The following TSC2 variants were observed in gnomAD, a reference collection of about 807,000 sequenced individuals.
The protein encoded by TSC2 is TSC complex subunit 2.
In TSC2, 29 loss-of-function variants were observed where a neutral mutation model predicts 202.2. That is an observed-to-expected ratio of 0.14 (90% CI 0.11 to 0.20). The LOEUF (loss-of-function observed/expected upper bound fraction) is 0.20, where lower values mean the gene tolerates loss of function less well. Among genes scored for constraint, TSC2 ranks in the 10% least tolerant of loss-of-function variants. The pLI, the probability that TSC2 is intolerant of heterozygous loss-of-function variation, is 1.00. For synonymous variants in TSC2, 1,349 were observed against 1,044.0 expected (o/e 1.29, Z -5.63); for missense variants, 2,429 against 2,420.0 (o/e 1.00, Z -0.08).
rs563555772 is a variant in TSC2, at chr16:2,062,148, G to A, written c.1257+140G>A. 2.3e-6 allele frequency: 3 copies of A among 1,281,438 alleles called. No individual in the cohort carries two copies. The South Asian group carries it at 3.9e-5, about 17-fold the overall frequency. The allele number at this position is 1,281,438 out of a possible 1,614,324, so 79.4% of individuals were successfully genotyped here. A position where few individuals can be genotyped will look rare whatever the true frequency, so the allele number is the denominator to read the frequency against. Reference sequence around the variant, plus strand: ...TTTCCAGGTTTCTGCACTCGGCAGGGAAGGCTGGCAGGCACAGCACGTGTT... The same window carrying A: ...TTTCCAGGTTTCTGCACTCGGCAGGAAAGGCTGGCAGGCACAGCACGTGTT... On this transcript the variant is annotated intron_variant, in intron 12 of 41. Coordinates refer to ENST00000219476, the MANE Select transcript of TSC2 (RefSeq NM_000548.5).
rs573335633 is a variant in TSC2, at chr16:2,056,025, G to A, written c.600-171G>A. 6.3e-5 allele frequency: 47 copies of A among 742,964 alleles called. 1 individual carries two copies. The highest frequency in any genetic ancestry group is 3.1e-4 in the South Asian group (21 of 67,452). The allele number at this position is 742,964 out of a possible 1,614,324, so 46.0% of individuals were successfully genotyped here. A position where few individuals can be genotyped will look rare whatever the true frequency, so the allele number is the denominator to read the frequency against. ...TCACTCATGCTGAACACCCAGCACC[G>A]AGAGCAGTGGCTGGCGCACAGCAGG... On this transcript the variant is annotated intron_variant, in intron 6 of 41. Transcript: ENST00000219476.
intron 26 of TSC2, chr16:2,078,779 AT>A (rs2089743876): frequency 1.8e-6 from 1 of 557,500 alleles, no homozygotes; most frequent in Non-Finnish European, 3.2e-6. Context: ...GGTGAGGGGG[AT>A]GTCGGTCTCT....
rs548573476 is a variant in TSC2, at chr16:2,083,478, C to G, written c.3884-217C>G. On this transcript the variant is annotated intron_variant, in intron 32 of 41. Coordinates refer to ENST00000219476, the MANE Select transcript of TSC2 (RefSeq NM_000548.5). ...CAGAGCCGATTGCCTGCCCAACCCC[C>G]GGGCACTCATGCAGGAGAGGCCTGT... is the stretch of plus-strand genomic sequence containing the variant. 6 of 767,278 alleles carry G rather than the reference C, an allele frequency of 7.8e-6. No individual in the cohort carries two copies. The Admixed American group carries it at 1.1e-4, about 14-fold the overall frequency. The allele number at this position is 767,278 out of a possible 1,614,324, so 47.5% of individuals were successfully genotyped here.
At chr16:2,072,695 G>A (rs572437829) in intron 20 of TSC2, 154 bp from the exon 21 acceptor site, 111 of 1,298,964 alleles carry the variant, frequency 8.5e-5, no homozygotes, top group Non-Finnish European at 1.1e-4. Flanking sequence ...CCACCACTCC[G>A]AAAGGGAGGC....
At chr16:2,078,778 G>A (rs1419456009) in intron 26 of TSC2, 2 of 560,160 alleles carry the variant, frequency 3.6e-6, no homozygotes, top group South Asian at 2.0e-5. Flanking sequence ...CGGTGAGGGG[G>A]ATGTCGGTCT....
rs916426671 is a variant in TSC2 at position 2,079,760 on chromosome 16, G to A, written c.3397+91G>A. 9 of 1,357,018 alleles carry A rather than the reference G, an allele frequency of 6.6e-6. No homozygotes were observed. Among genetic ancestry groups the A allele is most frequent in the Admixed American group, 4.4e-5 (2 of 45,022 alleles). 84.1% of individuals were successfully genotyped at this position (1,357,018 alleles called of 1,614,324 possible). ...TGTTCAGGAAGGCCCCGAGCCCAGGGGCCGGGGTGGCTGGCTTCAGGCCCG... is the reference window on the plus strand; with the variant it reads ...TGTTCAGGAAGGCCCCGAGCCCAGGAGCCGGGGTGGCTGGCTTCAGGCCCG... On this transcript the variant is annotated intron_variant, in intron 29 of 41. Transcript: ENST00000219476. The surrounding 1 kb of genome is among the most constrained non-coding windows in gnomAD (Gnocchi z 4.6).
In TSC2 at chr16:2,079,619, C is replaced by T. The variant is rs878854092; in HGVS notation, c.3347C>T (p.Ala1116Val). ...KEAPAKLESQ[A>V]GQQVSRGARD... is the part of the protein sequence containing the mutation. The stretch of plus-strand genomic sequence containing the variant: ...GCGCCGGCCAAGCTGGAGTCCCAGG[C>T]TGGGCAGCAGGTGTCCCGTGGGGCC... Residue 1116 changes from alanine to valine, a missense_variant, in exon 29 of 42, where the codon GCT (alanine) becomes GTT (valine). Transcript: ENST00000219476. The surrounding 1 kb of genome is among the most constrained non-coding windows in gnomAD (Gnocchi z 4.6). 6.2e-7 allele frequency: 1 copy of T among 1,610,900 alleles called. No homozygotes were observed.
At chr16:2,073,087 C>T (rs1352326836) in intron 21 of TSC2, 104 bp downstream of exon 21, 2 of 1,555,390 alleles carry the variant, frequency 1.3e-6, no homozygotes, top group African/African-American at 1.4e-5. Flanking sequence ...TCTGCCAGGC[C>T]AGGGATGAGT....
At chr16:2,087,963 C>A (rs760054916) in intron 39 of TSC2, 22 bp downstream of exon 39, 2 of 1,612,464 alleles carry the variant, frequency 1.2e-6, no homozygotes, top group African/African-American at 2.7e-5. Context: ...TGGGGCCCTG[C>A]AGTGCAGGAA....
At chr16:2,064,451 C>T (rs746869654) in intron 15 of TSC2, 24 bp downstream of exon 15, 27 of 1,612,108 alleles carry the variant, frequency 1.7e-5, no homozygotes, top group South Asian at 1.2e-4. Context: ...TACCCGGGGC[C>T]GGGTGCTAGC....
Position 2,086,268 on chromosome 16 carries a change from C to G in TSC2, c.4738C>G (p.Arg1580Gly). ...RYTEFLTGLGRLIELKDCQPD... is the reference protein window; with the variant it reads ...RYTEFLTGLGGLIELKDCQPD... Reference sequence around the variant, plus strand: ...CACGGAGTTCCTGACGGGCCTGGGCCGGCTCATCGAGCTGAAGGACTGCCA... The same window carrying G: ...CACGGAGTTCCTGACGGGCCTGGGCGGGCTCATCGAGCTGAAGGACTGCCA... The change falls in exon 37 of 42, where the codon CGG (arginine) becomes GGG (glycine). Residue 1580 changes from arginine (R) to glycine (G), a missense_variant. Coordinates refer to ENST00000219476, the MANE Select transcript of TSC2 (RefSeq NM_000548.5). 1 of 1,612,854 alleles carries G rather than the reference C, an allele frequency of 6.2e-7. No individual in the cohort carries two copies. The highest frequency in any genetic ancestry group is 8.5e-7 in the Non-Finnish European group (1 of 1,179,972).
intron 33 of TSC2, 129 bp downstream of exon 33, chr16:2,083,945 C>G (rs1420243560): frequency 1.4e-6 from 2 of 1,436,746 alleles, no homozygotes; most frequent in East Asian, 2.4e-5. Flanking sequence ...TTCCACATCC[C>G]TCGTGCACAG....
chr16:2,077,526 T>A, intron 25 of TSC2, 72 bp from the exon 26 acceptor site: 1 of 1,606,774 alleles, frequency 6.2e-7, no homozygotes, highest in Non-Finnish European at 8.5e-7. Context: ...TCCTCACCCC[T>A]CCACTGGCTT....
Position 2,089,317 on chromosome 16 carries a change from A to G in TSC2, c.*707A>G, listed in dbSNP as rs946172953. ...CACACAGTGAGACGGTGCAGGGAGT[A>G]CGGTAGGAACTGGAGAGGTAATAAC... On this transcript the variant is annotated 3_prime_UTR_variant, in exon 42 of 42. Coordinates refer to ENST00000219476, the MANE Select transcript of TSC2 (RefSeq NM_000548.5). 1.5e-5 allele frequency: 4 copies of G among 273,682 alleles called. No homozygotes were observed. The highest frequency in any genetic ancestry group is 9.7e-5 in the Admixed American group (2 of 20,532). The allele number at this position is 273,682 out of a possible 1,614,324, so 17.0% of individuals were successfully genotyped here. A position where few individuals can be genotyped will look rare whatever the true frequency, so the allele number is the denominator to read the frequency against.
chr16:2,070,999 G>GCTGGGC (rs1489626363), intron 17 of TSC2, among the ~76,000 whole-genome samples: 1 of 152,120 alleles, frequency 6.6e-6, no homozygotes, highest in Non-Finnish European at 1.5e-5. Flanking sequence ...GCAGGGCAGG[G>GCTGGGC]ATGGGCAGAA....
At chr16:2,062,811 G>A in intron 13 of TSC2, 161 bp from the exon 14 acceptor site, 1 of 941,188 alleles carries the variant, frequency 1.1e-6, no homozygotes, top group Non-Finnish European at 1.6e-6. Flanking sequence ...CTCTTTTCGG[G>A]GGTCGTCTGG....
chr16:2,070,633 G>A (rs906338711), intron 17 of TSC2, 55 bp downstream of exon 17: 108 of 1,611,154 alleles, frequency 6.7e-5, no homozygotes, highest in Admixed American at 1.3e-4. Context: ...AGGTATCCCC[G>A]TCTCGGCAGG....
In TSC2 at chr16:2,075,801, C is replaced by T. The variant is rs2089256658; in HGVS notation, c.2548C>T (p.Leu850=). The T allele has an allele frequency of 6.2e-7, 1 of 1,612,614 alleles. No homozygotes were observed. Among genetic ancestry groups the T allele is most frequent in the Non-Finnish European group, 8.5e-7 (1 of 1,179,970 alleles). The change falls in exon 23 of 42, where the codon CTG becomes TTG. Residue 850 remains leucine, a splice_region_variant and synonymous_variant. Transcript: ENST00000219476. The part of the protein sequence containing the change: ...AVPLLEFLST[L]ARLPHLYRNF... The stretch of plus-strand genomic sequence containing the variant: ...GACCACCCTCTCCATTACCGCAGCT[C>T]TGGCCAGGCTGCCGCACCTCTACAG...
At chr16:2,082,545 A>T (rs1472032886) in intron 32 of TSC2, 41 bp downstream of exon 32, 1 of 1,595,412 alleles carries the variant, frequency 6.3e-7, no homozygotes, top group Admixed American at 1.7e-5. Context: ...GCAGAGCGCC[A>T]CTCTGCCTCA....
Sources: gnomAD v4.1 joint callset for allele counts (sites outside exome capture counted in the v4.1 genomes callset) on GRCh38, gnomAD v4.1.1 for gene constraint, Gnocchi (gnomAD v3.1) non-coding constraint, MANE v1.5 for transcripts, NCBI Gene and HGNC (gene_info 2026-07-23, HGNC 2026-07-21) for gene names.